The following RSPO2 variants were observed in gnomAD, a reference collection of about 807,000 sequenced individuals.
RSPO2 encodes R-spondin-2.
RSPO2 carries 14 observed loss-of-function variants against 30.9 expected under a neutral mutation model. That is an observed-to-expected ratio of 0.45 (90% CI 0.30 to 0.71). The LOEUF is 0.71. RSPO2 is among the 30% of genes least tolerant of loss of function. The probability of loss-of-function intolerance (pLI) is 0.08; values close to 1 mark genes in which losing one functional copy is unlikely to be tolerated. For synonymous variants in RSPO2, 107 were observed against 96.4 expected (o/e 1.11, Z -0.64); for missense variants, 264 against 301.9 (o/e 0.87, Z 0.93).
chr8:107,972,163 T>G (rs1814021977), intron 3 of RSPO2, among the ~76,000 whole-genome samples: 3 of 152,044 alleles, frequency 2.0e-5, no homozygotes. Context: ...TTTTTTTTTT[T>G]GAGACAGAGT....
chr8:108,003,301 ATATATATATATTTTTTT>A (rs1398480105), intron 2 of RSPO2, among the ~76,000 whole-genome samples: 243 of 24,498 alleles, frequency 9.9e-3, no homozygotes, highest in African/African-American at 0.035. Flanking sequence ...ATATATATAT[ATATATATATATTTTTTT>A]TTTTTTTTTT....
At chr8:107,918,007 C>T (rs1043701308) in intron 5 of RSPO2, among the ~76,000 whole-genome samples, 8 of 151,928 alleles carry the variant, frequency 5.3e-5, no homozygotes, top group Non-Finnish European at 8.8e-5. Context: ...GAGAATGTGA[C>T]GTTAGAATAG....
At chr8:107,976,844 T>A (rs1814232008) in intron 3 of RSPO2, among the ~76,000 whole-genome samples, 3 of 152,224 alleles carry the variant, frequency 2.0e-5, no homozygotes. Flanking sequence ...TTAAAATGAT[T>A]CTATTCATGT....
intron 2 of RSPO2, among the ~76,000 whole-genome samples, chr8:108,023,646 T>C (rs1263936313): frequency 2.0e-5 from 3 of 152,186 alleles, no homozygotes; most frequent in African/African-American, 2.4e-5. Context: ...AATATCCTTA[T>C]TTGCAAATCC....
intron 2 of RSPO2, among the ~76,000 whole-genome samples, chr8:108,000,768 A>G (rs1162275391): frequency 6.6e-6 from 1 of 152,042 alleles, no homozygotes; most frequent in Admixed American, 6.5e-5. Context: ...TTGGGAGGCC[A>G]AGGTGGGCAG....
chr8:108,057,037 C>T (rs1445715463), intron 2 of RSPO2, among the ~76,000 whole-genome samples: 23 of 91,254 alleles, frequency 2.5e-4, no homozygotes, highest in African/African-American at 8.2e-4. Flanking sequence ...AGCCTGGCAA[C>T]AGAGTGAGAC....
chr8:107,989,467 G>T (rs988919509), intron 2 of RSPO2: 6 of 476,036 alleles, frequency 1.3e-5, no homozygotes, highest in African/African-American at 8.2e-5. Flanking sequence ...CAGAGTTGAG[G>T]CCAGAAGCTA....
intron 3 of RSPO2, 131 bp downstream of exon 3, chr8:107,988,925 G>T: frequency 3.6e-6 from 3 of 830,110 alleles, no homozygotes; most frequent in Non-Finnish European, 3.6e-6. Flanking sequence ...ACCACACCCA[G>T]CAAGCTTAAA....
chr8:108,031,573 T>C (rs149979098), intron 2 of RSPO2, among the ~76,000 whole-genome samples: 4 of 152,250 alleles, frequency 2.6e-5, no homozygotes, highest in Non-Finnish European at 4.4e-5. Flanking sequence ...CTGGGTGAGA[T>C]TACATAAAAA....
chr8:107,990,516 A>G (rs1014752960), intron 2 of RSPO2, among the ~76,000 whole-genome samples: 2 of 152,198 alleles, frequency 1.3e-5, no homozygotes, highest in Non-Finnish European at 2.9e-5. Flanking sequence ...AAAGATCTCT[A>G]TAAGGAGAAC....
Position 107,998,187 on chromosome 8 carries a change from AT to A in RSPO2, c.95-8944del, listed in dbSNP as rs1435613246. 2.6e-5 allele frequency among the ~76,000 whole-genome samples: 4 copies of A among 151,836 alleles called. No individual in the cohort carries two copies. The East Asian group carries it at 7.7e-4, about 29-fold the overall frequency. On this transcript the variant is annotated intron_variant, in intron 2 of 5. Coordinates refer to ENST00000276659, the MANE Select transcript of RSPO2 (RefSeq NM_178565.5). Reference sequence around the variant, plus strand: ...TCTTAACCTCAAGTTCAAGATATGTATTTAAGGAAGAAAAAAAAAAACCCAT... The same window carrying A: ...TCTTAACCTCAAGTTCAAGATATGTATTAAGGAAGAAAAAAAAAAACCCAT...
intron 3 of RSPO2, among the ~76,000 whole-genome samples, chr8:107,988,398 C>G (rs75139538): frequency 0.027 from 4,105 of 150,100 alleles, 145 homozygotes; most frequent in African/African-American, 0.081. Context: ...AGATTGTTCT[C>G]AGCATAAAGT....
intron 3 of RSPO2, among the ~76,000 whole-genome samples, chr8:107,979,950 A>G (rs765216678): frequency 1.3e-5 from 2 of 152,204 alleles, no homozygotes; most frequent in Non-Finnish European, 2.9e-5. Context: ...CAAGAGCATT[A>G]TATGTCTTCC....
At chr8:108,067,362 C>T (rs572597124) in intron 2 of RSPO2, among the ~76,000 whole-genome samples, 1 of 152,278 alleles carries the variant, frequency 6.6e-6, no homozygotes, top group Non-Finnish European at 1.5e-5. Context: ...GAAAGAAAAT[C>T]TCTATTTGTA....
intron 2 of RSPO2, among the ~76,000 whole-genome samples, chr8:107,993,248 A>T (rs1814910222): frequency 6.6e-6 from 1 of 152,208 alleles, no homozygotes; most frequent in Non-Finnish European, 1.5e-5. Flanking sequence ...ACAATAACAG[A>T]ATCTATAACT....
intron 2 of RSPO2, among the ~76,000 whole-genome samples, chr8:108,060,993 C>T (rs112741585): frequency 2.0e-5 from 3 of 151,644 alleles, no homozygotes; most frequent in Admixed American, 6.6e-5. Flanking sequence ...CTGAGAGATT[C>T]TGTCACCACC....
In RSPO2 at chr8:108,011,148, A is replaced by AAAAG. The variant is rs1554581781; in HGVS notation, c.95-21908_95-21905dup. On this transcript the variant is annotated intron_variant, in intron 2 of 5. Transcript: ENST00000276659. ...ACTCCGTCCCAGAAAAAAAAAAAAA[A>AAAAG]AAAGAAAGAAAGAAAGAAAAGAAAA... 4.3e-3 allele frequency among the ~76,000 whole-genome samples: 601 copies of AAAAG among 140,440 alleles called. 10 individuals are homozygous for AAAAG. The highest frequency in any genetic ancestry group is 6.2e-3 in the Non-Finnish European group (402 of 64,448). 92.1% of individuals were successfully genotyped at this position (140,440 alleles called of 152,430 possible). A position where few individuals can be genotyped will look rare whatever the true frequency, so the allele number is the denominator to read the frequency against.
intron 3 of RSPO2, 68 bp from the exon 4 acceptor site, chr8:107,960,885 AT>A: frequency 5.5e-6 from 7 of 1,266,402 alleles, no homozygotes; most frequent in Non-Finnish European, 6.5e-6. Flanking sequence ...TACAAATAAA[AT>A]TTTTGTAAAC....
At chr8:107,997,933 C>T (rs1815086640) in intron 2 of RSPO2, among the ~76,000 whole-genome samples, 1 of 152,170 alleles carries the variant, frequency 6.6e-6, no homozygotes, top group Non-Finnish European at 1.5e-5. Flanking sequence ...GCAGTTAGCC[C>T]TTGCCAAGCA....
Sources: allele counts gnomAD v4.1 joint callset (sites outside exome capture counted in the v4.1 genomes callset), GRCh38; gene constraint gnomAD v4.1.1; transcripts MANE v1.5; gene names NCBI Gene and HGNC (gene_info 2026-07-23, HGNC 2026-07-21).